PJA2: variants seen among roughly 807,000 people sequenced by gnomAD.
The protein encoded by PJA2 is praja ring finger ubiquitin ligase 2.
A neutral mutation model predicts 69.3 loss-of-function variants in PJA2; 25 were observed. The observed-to-expected ratio is 0.36, with a 90% CI of 0.26 to 0.50. PJA2 has a LOEUF of 0.50. Among genes scored for constraint, PJA2 ranks in the 20% least tolerant of loss-of-function variants. The pLI, the probability that PJA2 is intolerant of heterozygous loss-of-function variation, is 0.96. For missense variants in PJA2, 809 were observed against 830.2 expected (o/e 0.97, Z 0.31); for synonymous variants, 308 against 277.8 (o/e 1.11, Z -1.08).
chr5:109,338,805 C>T (rs1339259499), intron 9 of PJA2, among the ~76,000 whole-genome samples: 7 of 151,746 alleles, frequency 4.6e-5, no homozygotes, highest in African/African-American at 7.3e-5. Flanking sequence ...CATTAGAAAA[C>T]GGGAATAAAG....
chr5:109,345,200 A>AAC (rs1338920555), intron 7 of PJA2, among the ~76,000 whole-genome samples: 2 of 118,952 alleles, frequency 1.7e-5, no homozygotes, highest in African/African-American at 6.4e-5. Context: ...AAAAAAAAAA[A>AAC]ACAAAATTAG....
In PJA2 at chr5:109,378,736, G is replaced by T; in HGVS notation, c.751C>A (p.Gln251Lys). Residue 251 changes from glutamine (Q) to lysine (K), a missense_variant, in exon 4 of 10, where the codon CAG becomes AAG. Physicochemically the swap from Gln to Lys is moderately conservative, Grantham distance 53 (BLOSUM62 1). This residue lies in a region of PJA2 where 700 missense variants were observed against 639.5 expected (regional missense o/e 1.09). Transcript: ENST00000361189. The part of the protein sequence containing the change: ...SSAGDTEFVH[Q>K]NSQEIQRSSQ... The stretch of plus-strand genomic sequence containing the variant: ...GACCTCTGAATTTCCTGGCTATTCT[G>T]ATGGACAAACTCAGTATCACCAGCA... 1 of 1,612,680 alleles carries T rather than the reference G, an allele frequency of 6.2e-7. No homozygotes were observed. Among genetic ancestry groups the T allele is most frequent in the Non-Finnish European group, 8.5e-7 (1 of 1,180,016 alleles).
chr5:109,345,899 G>C (rs1314958058), intron 7 of PJA2, among the ~76,000 whole-genome samples: 4 of 152,160 alleles, frequency 2.6e-5, no homozygotes, highest in Admixed American at 2.6e-4. Context: ...TGATCATCTG[G>C]GATGCGTCAT....
intron 9 of PJA2, among the ~76,000 whole-genome samples, chr5:109,340,661 CCTCCCCCTCCCTCTCCCCACGGT>C (rs1762033352): frequency 1.6e-4 from 1 of 6,290 alleles, no homozygotes; most frequent in Non-Finnish European, 3.4e-4. Flanking sequence ...TCCCCCTCCC[CCTCCCCCTCCCTCTCCCCACGGT>C]CTCCCTCTCA....
At chr5:109,401,467 AC>A (rs1747545664) in intron 1 of PJA2, among the ~76,000 whole-genome samples, 1 of 152,204 alleles carries the variant, frequency 6.6e-6, no homozygotes, top group Non-Finnish European at 1.5e-5. Context: ...TCAAAAAAAA[AC>A]AACAAATAAA....
chr5:109,385,607 TA>T (rs1747140017), intron 1 of PJA2, among the ~76,000 whole-genome samples: 1 of 152,206 alleles, frequency 6.6e-6, no homozygotes, highest in Non-Finnish European at 1.5e-5. Flanking sequence ...TATGAGCTGT[TA>T]GTATAATTTG....
intron 9 of PJA2, among the ~76,000 whole-genome samples, chr5:109,338,976 C>T (rs1236414346): frequency 2.6e-5 from 4 of 152,140 alleles, no homozygotes; most frequent in Non-Finnish European, 5.9e-5. Flanking sequence ...TTATTAAGGA[C>T]AGAAAAGGTG....
intron 7 of PJA2, among the ~76,000 whole-genome samples, chr5:109,353,962 A>G (rs544673101): frequency 7.4e-6 from 1 of 134,952 alleles, no homozygotes; most frequent in East Asian, 2.2e-4. Flanking sequence ...GATGTCTATG[A>G]TATCTAGAGA....
intron 1 of PJA2, among the ~76,000 whole-genome samples, chr5:109,400,271 A>G (rs1483926169): frequency 6.6e-6 from 1 of 151,048 alleles, no homozygotes; most frequent in Non-Finnish European, 1.5e-5. Context: ...AGTCTGGGTG[A>G]TGGACTGAGA....
rs1332181086 is a variant in PJA2, at chr5:109,337,374, GT to G, written c.2002-19del. The G allele has an allele frequency of 3.8e-6, 6 of 1,571,984 alleles. No individual in the cohort carries two copies. Among genetic ancestry groups the G allele is most frequent in the Non-Finnish European group, 5.2e-6 (6 of 1,161,370 alleles). Reference sequence around the variant, plus strand: ...GTTCCCGACTGGAGAAAAAAAAAATGTTAAGAGCCACCAGAATCATCTTAAC... The same window carrying G: ...GTTCCCGACTGGAGAAAAAAAAAATGTAAGAGCCACCAGAATCATCTTAAC... On this transcript the variant is annotated intron_variant, in intron 9 of 9. Coordinates refer to ENST00000361189, the MANE Select transcript of PJA2 (RefSeq NM_014819.5).
At chr5:109,384,232 G>C (rs1259777037) in intron 1 of PJA2, among the ~76,000 whole-genome samples, 1 of 152,160 alleles carries the variant, frequency 6.6e-6, no homozygotes, top group African/African-American at 2.4e-5. Context: ...ATTGCTAAAA[G>C]GTAACTGTAA....
intron 5 of PJA2, among the ~76,000 whole-genome samples, chr5:109,363,335 T>C (rs1386115339): frequency 1.3e-5 from 2 of 152,212 alleles, no homozygotes; most frequent in Admixed American, 1.3e-4. Flanking sequence ...TACTTGAATT[T>C]TGAAACAATG....
intron 1 of PJA2, among the ~76,000 whole-genome samples, chr5:109,397,569 A>C (rs997733307): frequency 4.0e-5 from 6 of 151,842 alleles, no homozygotes; most frequent in African/African-American, 1.5e-4. Flanking sequence ...CCCAGACTGG[A>C]GGGCAGTGGT....
intron 1 of PJA2, among the ~76,000 whole-genome samples, chr5:109,398,487 T>C (rs1270932574): frequency 6.6e-6 from 1 of 152,050 alleles, no homozygotes; most frequent in Non-Finnish European, 1.5e-5. Context: ...GGCACATGGA[T>C]GAAGCTCGAA....
chr5:109,377,969 AATC>A lies in PJA2; in HGVS notation c.1283+232_1283+234del, dbSNP rs1280683754. ...AGCATCTCTATCCCTTTATAATAAT[AATC>A]ATTATCTGAACTTACTTCTGTAAAC... On this transcript the variant is annotated intron_variant, in intron 4 of 9. Coordinates refer to ENST00000361189, the MANE Select transcript of PJA2 (RefSeq NM_014819.5). Among the ~76,000 whole-genome samples, 43 of 152,352 alleles carry A rather than the reference AATC, an allele frequency of 2.8e-4. 1 individual carries two copies. The highest frequency in any genetic ancestry group is 3.4e-3 in the Middle Eastern group (1 of 294).
intron 6 of PJA2, among the ~76,000 whole-genome samples, chr5:109,356,679 T>C (rs752051435): frequency 6.6e-5 from 10 of 152,216 alleles, no homozygotes; most frequent in Non-Finnish European, 1.5e-4. Flanking sequence ...ATTCTATCAT[T>C]ACTCACGGCT....
chr5:109,353,433 CCTATATATAGATATCTATATAT>C (rs1561344861), intron 7 of PJA2, among the ~76,000 whole-genome samples: 28 of 47,462 alleles, frequency 5.9e-4, no homozygotes, highest in African/African-American at 1.5e-3. Flanking sequence ...ATATTAGATA[CCTATATATAGATATCTATATAT>C]TAGATACCTA....
intron 2 of PJA2, 83 bp from the exon 3 acceptor site, chr5:109,381,786 A>C: frequency 1.8e-6 from 2 of 1,087,556 alleles, no homozygotes; most frequent in East Asian, 5.0e-5. Context: ...ACTTCAGTTT[A>C]TATTTTATTA....
chr5:109,353,792 A>G (rs868503253), intron 7 of PJA2, among the ~76,000 whole-genome samples: 1 of 135,296 alleles, frequency 7.4e-6, no homozygotes, highest in African/African-American at 2.6e-5. Flanking sequence ...GATGTCTATG[A>G]TATCTAGAGA....
Sources: allele counts gnomAD v4.1 joint callset (sites outside exome capture counted in the v4.1 genomes callset), GRCh38; gene constraint gnomAD v4.1.1; regional missense constraint gnomAD v4.1.1; transcripts MANE v1.5; gene names NCBI Gene and HGNC (gene_info 2026-07-23, HGNC 2026-07-21).